CENPE: variants seen among roughly 807,000 people sequenced by gnomAD.
CENPE encodes the protein centromere-associated protein E.
Under a neutral mutation model 336.1 loss-of-function variants are expected in CENPE, and 145 were observed. The observed-to-expected ratio is 0.43, with a 90% CI of 0.38 to 0.50. CENPE has a LOEUF of 0.50. Ranked by LOEUF, CENPE falls within the 20% of genes least tolerant of loss-of-function variation. The pLI, the probability that CENPE is intolerant of heterozygous loss-of-function variation, is 0.00. For missense variants in CENPE, 2,719 were observed against 3,023.3 expected (o/e 0.90, Z 2.36); for synonymous variants, 1,013 against 984.8 (o/e 1.03, Z -0.54).
At chr4:103,194,085 TACTG>T (rs1205082328) in intron 8 of CENPE, 140 bp downstream of exon 8, 25 of 611,578 alleles carry the variant, frequency 4.1e-5, no homozygotes, top group Admixed American at 9.5e-5. Context: ...AATTTGATGA[TACTG>T]ACAAGACTAA....
intron 2 of CENPE, 151 bp downstream of exon 2, chr4:103,196,608 C>T (rs1243325170): frequency 3.3e-6 from 2 of 604,986 alleles, no homozygotes; most frequent in Non-Finnish European, 5.9e-6. Flanking sequence ...TACTTAAATA[C>T]ATGATGGATA....
intron 43 of CENPE, among the ~76,000 whole-genome samples, chr4:103,121,273 G>C (rs567130733): frequency 2.0e-5 from 3 of 152,042 alleles, no homozygotes; most frequent in Non-Finnish European, 4.4e-5. Flanking sequence ...TTTAAAACTT[G>C]AGAACATATT....
In CENPE at chr4:103,108,756, T is replaced by C. The variant is rs767630882; in HGVS notation, c.8011+47A>G. The stretch of plus-strand genomic sequence containing the variant: ...TTGGGATCACATATTAATGATAAGT[T>C]CCAACTGTTACCCTCTGATTTCCAA... On this transcript the variant is annotated intron_variant, in intron 48 of 48. Coordinates refer to ENST00000265148, the MANE Select transcript of CENPE (RefSeq NM_001813.3). The C allele has an allele frequency of 6.5e-6, 10 of 1,544,868 alleles. No homozygotes were observed. In the East Asian group the frequency reaches 2.2e-4, roughly 35 times the overall value.
intron 14 of CENPE, 46 bp downstream of exon 14, chr4:103,176,853 G>T: frequency 7.1e-7 from 1 of 1,401,672 alleles, no homozygotes. Context: ...TCTTTATAAG[G>T]ATGCTTTTAT....
At chr4:103,159,946 A>C (rs1754296717) in intron 21 of CENPE, among the ~76,000 whole-genome samples, 2 of 151,936 alleles carry the variant, frequency 1.3e-5, no homozygotes, top group African/African-American at 4.8e-5. Flanking sequence ...GACAAAGTAA[A>C]GACGGGCAAT....
At chr4:103,135,939 C>A (rs1469521914) in intron 40 of CENPE, among the ~76,000 whole-genome samples, 1 of 152,226 alleles carries the variant, frequency 6.6e-6, no homozygotes, top group African/African-American at 2.4e-5. Flanking sequence ...GCCTCCTGAA[C>A]ATCCTGACAT....
At chr4:103,180,018 T>C (rs892142773) in intron 13 of CENPE, among the ~76,000 whole-genome samples, 4 of 152,238 alleles carry the variant, frequency 2.6e-5, no homozygotes, top group Non-Finnish European at 5.9e-5. Context: ...TTTCCACATA[T>C]TCTAGAAACC....
Position 103,116,700 on chromosome 4 carries a change from T to C in CENPE, c.7330-11A>G. 6.9e-7 allele frequency: 1 copy of C among 1,445,432 alleles called. No individual in the cohort carries two copies. The allele number at this position is 1,445,432 out of a possible 1,614,324, so 89.5% of individuals were successfully genotyped here. A position where few individuals can be genotyped will look rare whatever the true frequency, so the allele number is the denominator to read the frequency against. Reference sequence around the variant, plus strand: ...TAAAGCAACTTTGTCCTAAATTTTTTTTAGAGAAAATAAAAATAATTATTA... The same window carrying C: ...TAAAGCAACTTTGTCCTAAATTTTTCTTAGAGAAAATAAAAATAATTATTA... On this transcript the variant is annotated splice_polypyrimidine_tract_variant and intron_variant, in intron 44 of 48. Transcript: ENST00000265148.
intron 24 of CENPE, among the ~76,000 whole-genome samples, chr4:103,155,745 C>T (rs1433630024): frequency 6.6e-6 from 1 of 152,048 alleles, no homozygotes; most frequent in Non-Finnish European, 1.5e-5. Flanking sequence ...AAAAAAAGTT[C>T]CATTTTCCAA....
At chr4:103,187,754 A>G (rs1297049322) in intron 8 of CENPE, among the ~76,000 whole-genome samples, 2 of 152,234 alleles carry the variant, frequency 1.3e-5, no homozygotes, top group African/African-American at 4.8e-5. Context: ...CAAGCAAAAT[A>G]ATCAGCTAAC....
intron 16 of CENPE, among the ~76,000 whole-genome samples, chr4:103,167,714 T>C (rs1183187923): frequency 1.3e-5 from 2 of 152,180 alleles, no homozygotes; most frequent in African/African-American, 4.8e-5. Flanking sequence ...TGAGAGTGCA[T>C]ACCAACACCC....
At position 103,129,813 on chromosome 4, in the gene CENPE, G is replaced by A. The variant is rs145303219; in HGVS notation, c.6924+2880C>T. On this transcript the variant is annotated intron_variant, in intron 42 of 48. Transcript: ENST00000265148. The stretch of plus-strand genomic sequence containing the variant: ...ATATTAGGAAGTCAAATCCAATCAC[G>A]TGTAAAAATGATTATACATGACCAA... Among the ~76,000 whole-genome samples, 437 of 152,234 alleles carry A rather than the reference G, an allele frequency of 2.9e-3. 6 individuals carry two copies. Among genetic ancestry groups the A allele is most frequent in the Middle Eastern group, 3.4e-3 (1 of 294 alleles).
chr4:103,158,370 G>A lies in CENPE; in HGVS notation c.2963C>T (p.Ser988Phe), dbSNP rs1255272838. 3 of 1,609,660 alleles carry A rather than the reference G, an allele frequency of 1.9e-6. No homozygotes were observed. Among genetic ancestry groups the A allele is most frequent in the Non-Finnish European group, 2.5e-6 (3 of 1,178,056 alleles). Reference sequence around the variant, plus strand: ...ATGCAAATTCCTGGAAACTTCCTCAGAAATTTTCGATTTTAGTGTATTAAT... The same window carrying A: ...ATGCAAATTCCTGGAAACTTCCTCAAAAATTTTCGATTTTAGTGTATTAAT... ...ETINTLKSKISEEVSRNLHME... is the reference protein window; with the variant it reads ...ETINTLKSKIFEEVSRNLHME... The change falls in exon 24 of 49, where the codon TCT (serine) becomes TTT (phenylalanine). Residue 988 changes from serine to phenylalanine, a missense_variant. Coordinates refer to ENST00000265148, the MANE Select transcript of CENPE (RefSeq NM_001813.3).
At chr4:103,183,403 T>A in intron 9 of CENPE, 115 bp from the exon 10 acceptor site, 1 of 748,126 alleles carries the variant, frequency 1.3e-6, no homozygotes. Context: ...GTCTATGCTC[T>A]GGTTTAGACA....
chr4:103,134,003 C>T, intron 40 of CENPE, 111 bp from the exon 41 acceptor site: 1 of 705,908 alleles, frequency 1.4e-6, no homozygotes, highest in South Asian at 1.7e-5. Context: ...TACCTATATC[C>T]TCTCACAAGT....
At chr4:103,178,794 G>T (rs1454001261) in intron 13 of CENPE, among the ~76,000 whole-genome samples, 1 of 152,060 alleles carries the variant, frequency 6.6e-6, no homozygotes, top group Non-Finnish European at 1.5e-5. Context: ...AGCTAAACCT[G>T]GGCTGCTTTA....
Position 103,147,475 on chromosome 4 carries a change from C to G in CENPE, c.4015G>C (p.Glu1339Gln), listed in dbSNP as rs1753152712. The stretch of plus-strand genomic sequence containing the variant: ...AGAGATTTTATCTCTTCCTGACTTT[C>G]TTGAAATTTTTCATTCAACCTGAGC... The part of the protein sequence containing the change: ...ERLRLNEKFQ[E>Q]SQEEIKSLTK... The change falls in exon 29 of 49, where the codon GAA (glutamate) becomes CAA (glutamine). Residue 1339 changes from glutamate (E) to glutamine (Q), a missense_variant. Glu to Gln is a conservative substitution (Grantham distance 29, BLOSUM62 2). This residue lies in a region of CENPE where 2,437 missense variants were observed against 2,513.3 expected (regional missense o/e 0.97). Transcript: ENST00000265148. The G allele has an allele frequency of 1.2e-6, 2 of 1,614,068 alleles. No individual in the cohort carries two copies. The highest frequency in any genetic ancestry group is 1.7e-6 in the Non-Finnish European group (2 of 1,180,000).
chr4:103,136,409 A>C, intron 39 of CENPE, 50 bp from the exon 40 acceptor site: 1 of 1,290,506 alleles, frequency 7.7e-7, no homozygotes, highest in Non-Finnish European at 1.1e-6. Context: ...TTCTAATATC[A>C]CAATAAGTAG....
intron 39 of CENPE, 140 bp downstream of exon 39, chr4:103,138,211 C>T (rs1752233719): frequency 1.5e-6 from 1 of 651,748 alleles, no homozygotes; most frequent in Non-Finnish European, 2.8e-6. Flanking sequence ...TACCCACACA[C>T]CTGTACTAGA....
Sources: gnomAD v4.1 joint callset for allele counts (sites outside exome capture counted in the v4.1 genomes callset) on GRCh38, gnomAD v4.1.1 for gene constraint, gnomAD v4.1.1 regional missense constraint, MANE v1.5 for transcripts, NCBI Gene and HGNC (gene_info 2026-07-23, HGNC 2026-07-21) for gene names.